Variants in ADAMTSL1 observed in about 807,000 individuals in gnomAD.
ADAMTSL1 encodes the protein ADAMTS-like protein 1.
Under a neutral mutation model 201.8 loss-of-function variants are expected in ADAMTSL1, and 126 were observed. The ratio of observed to expected loss-of-function variants is 0.62; its 90% CI spans 0.54 to 0.72. ADAMTSL1 has a LOEUF of 0.72. Among genes scored for constraint, ADAMTSL1 ranks in the 30% least tolerant of loss-of-function variants. The pLI is 0.00. For missense variants in ADAMTSL1, 2,679 were observed against 2,277.8 expected (o/e 1.18, Z -3.59); for synonymous variants, 1,121 against 903.4 (o/e 1.24, Z -4.32).
chr9:18,692,566 G>A (rs1384819821), intron 13 of ADAMTSL1, among the ~76,000 whole-genome samples: 1 of 152,108 alleles, frequency 6.6e-6, no homozygotes, highest in African/African-American at 2.4e-5. Context: ...ACCAATATAT[G>A]TTAAGTCCAT....
At chr9:18,406,682 T>G (rs185674858) in intron 2 of ADAMTSL1, among the ~76,000 whole-genome samples, 57 of 152,298 alleles carry the variant, frequency 3.7e-4, no homozygotes, top group Middle Eastern at 3.4e-3. Context: ...CTCCTCTGTT[T>G]CTATTAATTA....
intron 2 of ADAMTSL1, among the ~76,000 whole-genome samples, chr9:18,468,497 A>C (rs1039388410): frequency 6.6e-6 from 1 of 152,104 alleles, no homozygotes; most frequent in Non-Finnish European, 1.5e-5. Context: ...TCCTACTTGT[A>C]TCAGGCTCTG....
chr9:18,502,308 G>A (rs1483597738), intron 1 of ADAMTSL1, among the ~76,000 whole-genome samples: 1 of 152,182 alleles, frequency 6.6e-6, no homozygotes, highest in Non-Finnish European at 1.5e-5. Flanking sequence ...TGAGTAAAAT[G>A]AGAGAAATCG....
intron 7 of ADAMTSL1, among the ~76,000 whole-genome samples, chr9:18,640,675 A>G (rs936104212): frequency 6.6e-6 from 1 of 152,028 alleles, no homozygotes; most frequent in African/African-American, 2.4e-5. Flanking sequence ...AATCTTATAA[A>G]TGAAGACACT....
At chr9:17,990,205 T>C (rs1819093834) in intron 1 of ADAMTSL1, among the ~76,000 whole-genome samples, 1 of 152,066 alleles carries the variant, frequency 6.6e-6, no homozygotes, top group Admixed American at 6.6e-5. Flanking sequence ...AGAGATGTTA[T>C]CTTCCGTCAT....
chr9:18,811,378 T>C (rs1823499394), intron 20 of ADAMTSL1, among the ~76,000 whole-genome samples: 1 of 152,142 alleles, frequency 6.6e-6, no homozygotes, highest in Non-Finnish European at 1.5e-5. Context: ...TGGGGTGGTG[T>C]AGAGGAGGTC....
intron 2 of ADAMTSL1, among the ~76,000 whole-genome samples, chr9:18,507,617 T>C (rs1817754755): frequency 6.6e-6 from 1 of 152,212 alleles, no homozygotes; most frequent in South Asian, 2.1e-4. Flanking sequence ...CACAACATGC[T>C]ATTATTGAAC....
chr9:18,820,607 A>G (rs760836411), intron 21 of ADAMTSL1, among the ~76,000 whole-genome samples: 48 of 152,250 alleles, frequency 3.2e-4, no homozygotes, highest in Non-Finnish European at 5.6e-4. Context: ...TATTAAGAAT[A>G]TTATGTAATT....
At chr9:18,304,709 T>C (rs1428201531) in intron 2 of ADAMTSL1, among the ~76,000 whole-genome samples, 1 of 151,938 alleles carries the variant, frequency 6.6e-6, no homozygotes, top group Non-Finnish European at 1.5e-5. Flanking sequence ...CTCTAATGAA[T>C]AGTAAGATTC....
chr9:18,211,934 T>A (rs1829887279), intron 2 of ADAMTSL1, among the ~76,000 whole-genome samples: 1 of 152,168 alleles, frequency 6.6e-6, no homozygotes, highest in Admixed American at 6.5e-5. Context: ...GTGCCCCTGT[T>A]TTCATGACAG....
At chr9:18,838,489 A>G (rs1825480118) in intron 23 of ADAMTSL1, among the ~76,000 whole-genome samples, 1 of 152,000 alleles carries the variant, frequency 6.6e-6, no homozygotes, top group Non-Finnish European at 1.5e-5. Flanking sequence ...CCTCAGAATT[A>G]GATAGCCTCA....
At chr9:18,533,461 C>G (rs1303898844) in intron 3 of ADAMTSL1, among the ~76,000 whole-genome samples, 169 bp downstream of exon 3, 3 of 152,102 alleles carry the variant, frequency 2.0e-5, no homozygotes, top group Non-Finnish European at 4.4e-5. Flanking sequence ...TTAAGTTCCT[C>G]ATTATAGACT....
In ADAMTSL1 at chr9:18,710,489, C is replaced by G. The variant is rs11793073; in HGVS notation, c.1876+3441C>G. ...AGAATGTAGTAACTCTGGACTGCTT[C>G]TTAGTCTCAGCACTTCATCACCCCA... On this transcript the variant is annotated intron_variant, in intron 14 of 28. Transcript: ENST00000380548. 4.6e-5 allele frequency among the ~76,000 whole-genome samples: 7 copies of G among 152,228 alleles called. No homozygotes were observed. In the East Asian group the frequency reaches 7.7e-4, roughly 17 times the overall value.
intron 26 of ADAMTSL1, among the ~76,000 whole-genome samples, chr9:18,903,865 A>G (rs77868954): frequency 6.6e-6 from 1 of 152,008 alleles, no homozygotes; most frequent in East Asian, 1.9e-4. Flanking sequence ...AAAAAAAAAA[A>G]TGTATAAGTG....
intron 2 of ADAMTSL1, among the ~76,000 whole-genome samples, chr9:18,370,621 T>G (rs1837002039): frequency 6.6e-6 from 1 of 152,094 alleles, no homozygotes; most frequent in Admixed American, 6.6e-5. Context: ...TACTTATATA[T>G]CTAAGCAGTA....
chr9:18,718,974 C>G (rs751360680), intron 14 of ADAMTSL1, among the ~76,000 whole-genome samples: 37 of 152,314 alleles, frequency 2.4e-4, no homozygotes, highest in Non-Finnish European at 4.6e-4. Flanking sequence ...ATAACCACAG[C>G]TCTAGATTCT....
intron 2 of ADAMTSL1, among the ~76,000 whole-genome samples, chr9:18,510,682 T>A (rs2131968125): frequency 6.6e-6 from 1 of 152,176 alleles, no homozygotes; most frequent in South Asian, 2.1e-4. Context: ...ATATGAGGTT[T>A]TATTGAGTAA....
intron 2 of ADAMTSL1, among the ~76,000 whole-genome samples, chr9:18,251,652 C>G (rs1374494096): frequency 6.6e-6 from 1 of 152,082 alleles, no homozygotes; most frequent in Non-Finnish European, 1.5e-5. Flanking sequence ...AAGGGTGTGA[C>G]AAGACCCAAG....
intron 2 of ADAMTSL1, among the ~76,000 whole-genome samples, chr9:18,380,388 G>A (rs1457013995): frequency 6.6e-6 from 1 of 152,164 alleles, no homozygotes; most frequent in African/African-American, 2.4e-5. Flanking sequence ...TGAAATAAAG[G>A]TAGAAATAAA....
Sources: gnomAD v4.1 joint callset for allele counts (sites outside exome capture counted in the v4.1 genomes callset) on GRCh38, gnomAD v4.1.1 for gene constraint, MANE v1.5 for transcripts, NCBI Gene and HGNC (gene_info 2026-07-23, HGNC 2026-07-21) for gene names.